The following MLLT3 variants were observed in gnomAD, a reference collection of about 807,000 sequenced individuals.
The protein encoded by MLLT3 is protein AF-9.
A neutral mutation model predicts 53.2 loss-of-function variants in MLLT3; 4 were observed. That is an observed-to-expected ratio of 0.08 (90% CI 0.04 to 0.17). The LOEUF (loss-of-function observed/expected upper bound fraction) is 0.17, where lower values mean the gene tolerates loss of function less well. MLLT3 is among the 10% of genes least tolerant of loss of function. The pLI, the probability that MLLT3 is intolerant of heterozygous loss-of-function variation, is 1.00. For synonymous variants in MLLT3, 283 were observed against 230.6 expected (o/e 1.23, Z -2.06); for missense variants, 569 against 684.0 (o/e 0.83, Z 1.87).
chr9:20,380,637 G>A (rs1459541027), intron 5 of MLLT3, among the ~76,000 whole-genome samples: 1 of 151,940 alleles, frequency 6.6e-6, no homozygotes, highest in Non-Finnish European at 1.5e-5. Flanking sequence ...TTCCTATGTA[G>A]TAAAGGCTGC....
At chr9:20,427,495 A>C (rs1210399321) in intron 4 of MLLT3, among the ~76,000 whole-genome samples, 1 of 152,134 alleles carries the variant, frequency 6.6e-6, no homozygotes, top group East Asian at 1.9e-4. Context: ...AATAACAAAT[A>C]TCAAATTAGA....
chr9:20,519,698 C>T (rs944124559), intron 2 of MLLT3, among the ~76,000 whole-genome samples: 2 of 152,268 alleles, frequency 1.3e-5, no homozygotes, highest in East Asian at 1.9e-4. Context: ...CAAAAAATAA[C>T]AGATGCTGGC....
At chr9:20,472,609 G>A (rs1824422071) in intron 2 of MLLT3, among the ~76,000 whole-genome samples, 1 of 151,924 alleles carries the variant, frequency 6.6e-6, no homozygotes, top group Admixed American at 6.6e-5. Context: ...AACTTCAGAT[G>A]GGCTTAAACC....
intron 2 of MLLT3, among the ~76,000 whole-genome samples, chr9:20,593,941 A>ATTTT (rs35062068): frequency 7.0e-6 from 1 of 141,974 alleles, no homozygotes; most frequent in Non-Finnish European, 1.5e-5. Flanking sequence ...CAATGTTCTC[A>ATTTT]TTTTTTTTTT....
intron 2 of MLLT3, among the ~76,000 whole-genome samples, chr9:20,523,843 T>G (rs1242995483): frequency 1.3e-5 from 2 of 151,904 alleles, no homozygotes; most frequent in African/African-American, 4.8e-5. Context: ...TTGTGGAGTG[T>G]GCCTATAGTC....
intron 2 of MLLT3, among the ~76,000 whole-genome samples, chr9:20,604,952 C>T (rs1009777632): frequency 1.3e-5 from 2 of 152,042 alleles, no homozygotes; most frequent in Non-Finnish European, 2.9e-5. Context: ...ACTGGCTACA[C>T]AAGATAAAAC....
rs961561291 is a variant in MLLT3, at chr9:20,502,607, T to C, written c.194-45821A>G. On this transcript the variant is annotated intron_variant, in intron 2 of 10. Transcript: ENST00000380338. ...CAGTATACCAACTATTTATATAACA[T>C]TTACAATGTATTAGTTATTATAAGT... 8.5e-5 allele frequency among the ~76,000 whole-genome samples: 13 copies of C among 152,338 alleles called. No homozygotes were observed. In the East Asian group the frequency reaches 1.3e-3, roughly 16 times the overall value.
intron 2 of MLLT3, among the ~76,000 whole-genome samples, chr9:20,608,700 A>C (rs937634810): frequency 1.3e-5 from 2 of 152,002 alleles, no homozygotes; most frequent in African/African-American, 4.8e-5. Context: ...TGGGAAAGAC[A>C]GTCTTAATCA....
At chr9:20,570,609 T>C (rs1819509157) in intron 2 of MLLT3, among the ~76,000 whole-genome samples, 1 of 152,204 alleles carries the variant, frequency 6.6e-6, no homozygotes, top group Non-Finnish European at 1.5e-5. Context: ...AAATGAATTG[T>C]GAACCTTACC....
chr9:20,606,817 T>C (rs1820582685), intron 2 of MLLT3, among the ~76,000 whole-genome samples: 1 of 152,166 alleles, frequency 6.6e-6, no homozygotes, highest in Non-Finnish European at 1.5e-5. Flanking sequence ...AGCCCCACGT[T>C]TGCTGGCCTC....
intron 10 of MLLT3, among the ~76,000 whole-genome samples, chr9:20,348,656 T>C (rs576085097): frequency 1.3e-5 from 2 of 152,340 alleles, no homozygotes; most frequent in African/African-American, 2.4e-5. Context: ...AAGGTTCTGT[T>C]ACATGCATCA....
At chr9:20,543,685 GGAGGAA>G (rs533750698) in intron 2 of MLLT3, among the ~76,000 whole-genome samples, 201 of 151,654 alleles carry the variant, frequency 1.3e-3, no homozygotes, top group Non-Finnish European at 2.0e-3. Context: ...GAGAAGAGGA[GGAGGAA>G]GAGGAAGAGG....
chr9:20,382,864 T>C (rs1223327485), intron 5 of MLLT3, among the ~76,000 whole-genome samples: 1 of 151,560 alleles, frequency 6.6e-6, no homozygotes, highest in East Asian at 1.9e-4. Context: ...GAAATGACTA[T>C]GTAAAGATTG....
Position 20,620,867 on chromosome 9 carries a change from T to C in MLLT3, c.13-33A>G. ...CAGGGGGAGGAGAGACAGCCGTGAA[T>C]AACAGGAAGGCGAGGTTTCGGCAGT... On this transcript the variant is annotated intron_variant, in intron 1 of 10. Transcript: ENST00000380338. This position sits in a 1 kb window ranked among gnomAD's most constrained non-coding sequence, Gnocchi z 6.1. 1.2e-6 allele frequency: 2 copies of C among 1,612,230 alleles called. No homozygotes were observed. The highest frequency in any genetic ancestry group is 1.7e-6 in the Non-Finnish European group (2 of 1,178,852).
intron 4 of MLLT3, among the ~76,000 whole-genome samples, chr9:20,434,513 G>A (rs1292285599): frequency 6.6e-6 from 1 of 150,400 alleles, no homozygotes; most frequent in Non-Finnish European, 1.5e-5. Flanking sequence ...ATGTCTTCAA[G>A]GGGCCTTCAG....
intron 2 of MLLT3, among the ~76,000 whole-genome samples, chr9:20,482,658 A>G (rs544511056): frequency 6.6e-6 from 1 of 152,366 alleles, no homozygotes; most frequent in African/African-American, 2.4e-5. Context: ...ATTATCATAA[A>G]AATACAACAT....
chr9:20,353,612 G>A lies in MLLT3; in HGVS notation c.1504-16C>T. On this transcript the variant is annotated splice_polypyrimidine_tract_variant and intron_variant, in intron 9 of 10. Transcript: ENST00000380338. Reference sequence around the variant, plus strand: ...CTAGGTATGCCTGAAAGAGAAGAATGTCCCCGAAAAGGACAAGCACTTTAA... The same window carrying A: ...CTAGGTATGCCTGAAAGAGAAGAATATCCCCGAAAAGGACAAGCACTTTAA... The A allele has an allele frequency of 1.9e-6, 3 of 1,609,920 alleles. No homozygotes were observed. The South Asian group carries it at 3.3e-5, about 18-fold the overall frequency.
At chr9:20,579,257 G>A (rs1298210127) in intron 2 of MLLT3, among the ~76,000 whole-genome samples, 1 of 152,010 alleles carries the variant, frequency 6.6e-6, no homozygotes, top group African/African-American at 2.4e-5. Context: ...TGTGGTCCCA[G>A]CTACTCTGGA....
intron 2 of MLLT3, among the ~76,000 whole-genome samples, chr9:20,551,722 T>C (rs1435847436): frequency 6.6e-6 from 1 of 152,208 alleles, no homozygotes; most frequent in Non-Finnish European, 1.5e-5. Flanking sequence ...TAAATCAACT[T>C]CCATAAATTC....
Sources: gnomAD v4.1 joint callset for allele counts (sites outside exome capture counted in the v4.1 genomes callset) on GRCh38, gnomAD v4.1.1 for gene constraint, Gnocchi (gnomAD v3.1) non-coding constraint, MANE v1.5 for transcripts, NCBI Gene and HGNC (gene_info 2026-07-23, HGNC 2026-07-21) for gene names.